The following PCLO variants were observed in gnomAD, a reference collection of about 807,000 sequenced individuals.
The protein encoded by PCLO is protein piccolo.
PCLO carries 82 observed loss-of-function variants against 427.5 expected under a neutral mutation model. That is an observed-to-expected ratio of 0.19 (90% confidence interval 0.16 to 0.23). PCLO has a LOEUF of 0.23. PCLO is among the 10% of genes least tolerant of loss of function. The pLI, the probability that PCLO is intolerant of heterozygous loss-of-function variation, is 1.00. For synonymous variants in PCLO, 2,357 were observed against 2,155.4 expected (o/e 1.09, Z -2.59); for missense variants, 6,239 against 6,115.9 (o/e 1.02, Z -0.67).
rs1201166621 is a variant in PCLO at position 82,760,714 on chromosome 7, T to C, written c.15213A>G (p.Val5071=). The change falls in exon 24 of 25, where the codon GTA becomes GTG. Residue 5071 remains valine (V), a synonymous_variant. Coordinates refer to ENST00000333891, the MANE Select transcript of PCLO (RefSeq NM_033026.6). ...ACGAAGGCTCTCGATCATGTCTGCA[T>C]ACTCTTGTTTTTTTCTTGATCACCT... ...QKKVIKKKTR[V]CRHDREPSFN... is the part of the protein sequence containing the mutation. The C allele has an allele frequency of 6.9e-6, 11 of 1,591,410 alleles. No individual in the cohort carries two copies. Among genetic ancestry groups the C allele is most frequent in the Non-Finnish European group, 9.5e-6 (11 of 1,162,092 alleles).
At chr7:83,020,773 A>C (rs1788323751) in intron 3 of PCLO, among the ~76,000 whole-genome samples, 1 of 152,256 alleles carries the variant, frequency 6.6e-6, no homozygotes, top group Non-Finnish European at 1.5e-5. Context: ...GGTCCCTATA[A>C]ATTTCGTAAA....
intron 22 of PCLO, among the ~76,000 whole-genome samples, chr7:82,769,198 T>G (rs1036455700): frequency 6.6e-6 from 1 of 152,162 alleles, no homozygotes; most frequent in Non-Finnish European, 1.5e-5. Flanking sequence ...AGAGGCTATT[T>G]TGCTTTTTTC....
intron 2 of PCLO, among the ~76,000 whole-genome samples, chr7:83,151,921 A>C (rs2116674026): frequency 6.6e-6 from 1 of 152,254 alleles, no homozygotes; most frequent in East Asian, 1.9e-4. Context: ...AATTTTAATA[A>C]AACAAAGGAC....
rs1787735998 is a variant in PCLO at position 82,999,524 on chromosome 7, A to G, written c.3301-33037T>C. Among the ~76,000 whole-genome samples the G allele has an allele frequency of 3.1e-5, 2 of 64,298 alleles. 1 individual carries two copies. Among genetic ancestry groups the G allele is most frequent in the Non-Finnish European group, 5.2e-5 (2 of 38,582 alleles). The allele number at this position is 64,298 out of a possible 152,430, so 42.2% of individuals were successfully genotyped here. ...AATATTATATTAAAATATAAAATATAATATTATATTAAAATATAAAATATA... is the reference window on the plus strand; with the variant it reads ...AATATTATATTAAAATATAAAATATGATATTATATTAAAATATAAAATATA... On this transcript the variant is annotated intron_variant, in intron 3 of 24. Coordinates refer to ENST00000333891, the MANE Select transcript of PCLO (RefSeq NM_033026.6).
chr7:83,023,425 C>T (rs1361973924), intron 3 of PCLO, among the ~76,000 whole-genome samples: 1 of 152,136 alleles, frequency 6.6e-6, no homozygotes, highest in African/African-American at 2.4e-5. Context: ...TAACAGCTTG[C>T]CCAGTTTATC....
chr7:83,099,742 A>G (rs547315941), intron 3 of PCLO, among the ~76,000 whole-genome samples: 4 of 152,294 alleles, frequency 2.6e-5, no homozygotes, highest in African/African-American at 9.6e-5. Flanking sequence ...ATACACTTGC[A>G]AATCTTCTAA....
Position 83,134,871 on chromosome 7 carries a change from T to C in PCLO, c.2679A>G (p.Gln893=), listed in dbSNP as rs1791677516. The C allele has an allele frequency of 2.5e-6, 4 of 1,607,184 alleles. No individual in the cohort carries two copies. Among genetic ancestry groups the C allele is most frequent in the Non-Finnish European group, 3.4e-6 (4 of 1,176,504 alleles). ...ACTGCTCCTGAGGCTTTGGGGACTG[T>C]TGAGGTGTGGGGACAGTTTGGCCAG... ...PTAGQTVPTP[Q]QSPKPQEQSR... is the part of the protein sequence containing the mutation. Residue 893 remains glutamine, a synonymous_variant, in exon 3 of 25, where the codon CAA becomes CAG. Coordinates refer to ENST00000333891, the MANE Select transcript of PCLO (RefSeq NM_033026.6).
At position 82,845,397 on chromosome 7, in the gene PCLO, C is replaced by A; in HGVS notation, c.13920G>T (p.Leu4640=). Residue 4640 remains leucine (L), a synonymous_variant, in exon 13 of 25, where the codon CTG becomes CTT. Transcript: ENST00000333891. ...KVSLQQSPLV[L]SSVVEKGSHV... is the part of the protein sequence containing the mutation. ...GAGATCCTTTTTCAACAACTGATGA[C>A]AGAACCAGCGGTGACTGCTGTAGTG... The A allele has an allele frequency of 1.2e-6, 2 of 1,613,282 alleles. No individual in the cohort carries two copies. The highest frequency in any genetic ancestry group is 1.7e-6 in the Non-Finnish European group (2 of 1,179,540).
chr7:83,030,608 C>G (rs1462489643), intron 3 of PCLO, among the ~76,000 whole-genome samples: 1 of 152,098 alleles, frequency 6.6e-6, no homozygotes, highest in African/African-American at 2.4e-5. Context: ...GAACACACCC[C>G]AGAAGCAAAT....
chr7:83,045,682 G>A lies in PCLO; in HGVS notation c.3301-79195C>T, dbSNP rs559261932. 3.9e-5 allele frequency among the ~76,000 whole-genome samples: 6 copies of A among 151,956 alleles called. No homozygotes were observed. The South Asian group carries it at 6.2e-4, about 16-fold the overall frequency. On this transcript the variant is annotated intron_variant, in intron 3 of 24. Transcript: ENST00000333891. ...ATTGTTTAATAATTTTTCCTCCTCCGTAGCACATAGGCAAATGAATTTCCT... is the reference window on the plus strand; with the variant it reads ...ATTGTTTAATAATTTTTCCTCCTCCATAGCACATAGGCAAATGAATTTCCT...
At chr7:82,943,297 C>G (rs1795125786) in intron 6 of PCLO, among the ~76,000 whole-genome samples, 1 of 152,024 alleles carries the variant, frequency 6.6e-6, no homozygotes, top group Non-Finnish European at 1.5e-5. Context: ...AATTGTTGAA[C>G]AAGTCTAAGG....
At chr7:83,148,336 C>T (rs1170185123) in intron 2 of PCLO, among the ~76,000 whole-genome samples, 4 of 152,126 alleles carry the variant, frequency 2.6e-5, no homozygotes, top group African/African-American at 4.8e-5. Flanking sequence ...TACAACCCTC[C>T]CCTACTTCAA....
intron 3 of PCLO, among the ~76,000 whole-genome samples, chr7:82,993,751 G>A (rs1796433324): frequency 6.6e-6 from 1 of 151,984 alleles, no homozygotes; most frequent in South Asian, 2.1e-4. Context: ...TGTTGGTGTG[G>A]AACTAAACCA....
chr7:82,985,475 T>G (rs1796236622), intron 3 of PCLO, among the ~76,000 whole-genome samples: 1 of 152,018 alleles, frequency 6.6e-6, no homozygotes. Flanking sequence ...TTAGCCAAAG[T>G]GGGGTTAGCA....
chr7:82,822,147 T>A, intron 20 of PCLO: 1 of 1,063,436 alleles, frequency 9.4e-7, no homozygotes, highest in African/African-American at 1.7e-5. Context: ...CTTGTGCTTA[T>A]AATTTCTGTA....
intron 3 of PCLO, among the ~76,000 whole-genome samples, chr7:82,990,863 A>AC (rs1210701760): frequency 3.3e-5 from 5 of 152,060 alleles, no homozygotes; most frequent in Admixed American, 1.3e-4. Context: ...AAATAAGATC[A>AC]CCCCCAATGT....
At chr7:82,989,052 G>GACCTCAGGTGATTCGCCCTCCTC (rs1253628269) in intron 3 of PCLO, among the ~76,000 whole-genome samples, 1 of 151,826 alleles carries the variant, frequency 6.6e-6, no homozygotes, top group Non-Finnish European at 1.5e-5. Flanking sequence ...TCGAACTCCT[G>GACCTCAGGTGATTCGCCCTCCTC]ACCTCAGGTG....
At position 82,956,636 on chromosome 7, in the gene PCLO, A is replaced by C; in HGVS notation, c.4317T>G (p.His1439Gln). The C allele has an allele frequency of 6.2e-7, 1 of 1,613,806 alleles. No homozygotes were observed. Among genetic ancestry groups the C allele is most frequent in the South Asian group, 1.1e-5 (1 of 91,072 alleles). ...DEKSEKKTQPHEVSPEQPKDQ... is the reference protein window; with the variant it reads ...DEKSEKKTQPQEVSPEQPKDQ... Reference sequence around the variant, plus strand: ...CTTTAGGCTGTTCAGGAGAAACTTCATGGGGTTGTGTTTTCTTTTCTGACT... The same window carrying C: ...CTTTAGGCTGTTCAGGAGAAACTTCCTGGGGTTGTGTTTTCTTTTCTGACT... The change falls in exon 5 of 25, where the codon CAT (histidine) becomes CAG (glutamine). Residue 1439 changes from histidine to glutamine, a missense_variant. Physicochemically the swap from His to Gln is conservative, Grantham distance 24. Transcript: ENST00000333891.
chr7:83,083,506 T>C (rs1790156207), intron 3 of PCLO, among the ~76,000 whole-genome samples: 2 of 152,064 alleles, frequency 1.3e-5, no homozygotes, highest in African/African-American at 2.4e-5. Flanking sequence ...CTGCATAGTA[T>C]ATGCAAAATT....
Sources: gnomAD v4.1 joint callset for allele counts (sites outside exome capture counted in the v4.1 genomes callset) on GRCh38, gnomAD v4.1.1 for gene constraint, MANE v1.5 for transcripts, NCBI Gene and HGNC (gene_info 2026-07-23, HGNC 2026-07-21) for gene names.